The following SEPTIN9 variants were observed in gnomAD, a reference collection of about 807,000 sequenced individuals.
The protein encoded by SEPTIN9 is septin 9.
A neutral mutation model predicts 56.6 loss-of-function variants in SEPTIN9; 13 were observed. That is an observed-to-expected ratio of 0.23 (90% confidence interval 0.15 to 0.37). SEPTIN9 has a LOEUF of 0.37. Among genes scored for constraint, SEPTIN9 ranks in the 10% least tolerant of loss-of-function variants. The pLI is 1.00. For missense variants in SEPTIN9, 650 were observed against 823.1 expected (o/e 0.79, Z 2.57); for synonymous variants, 332 against 334.1 (o/e 0.99, Z 0.07).
chr17:77,409,270 G>A (rs1054202857), intron 3 of SEPTIN9, among the ~76,000 whole-genome samples: 1 of 138,314 alleles, frequency 7.2e-6, no homozygotes, highest in Non-Finnish European at 1.6e-5. Context: ...GGGAAGTCCC[G>A]CATGTGCTGG....
chr17:77,306,482 A>G (rs57309341), intron 1 of SEPTIN9, among the ~76,000 whole-genome samples: 12,150 of 152,320 alleles, frequency 0.08, 775 homozygotes, highest in African/African-American at 0.17. Context: ...CCTCTCCAAC[A>G]AGCAGCCCCA....
At chr17:77,373,430 GGCCCGGGCCCCGCCGGGGGC>G in intron 2 of SEPTIN9, 1 of 1,411,884 alleles carries the variant, frequency 7.1e-7, no homozygotes, top group Non-Finnish European at 9.3e-7. Flanking sequence ...CAGCGCGCAG[GGCCCGGGCCCCGCCGGGGGC>G]GCTTCCTCGC....
At chr17:77,353,276 T>C (rs201181559) in intron 2 of SEPTIN9, among the ~76,000 whole-genome samples, 1 of 152,182 alleles carries the variant, frequency 6.6e-6, no homozygotes, top group Non-Finnish European at 1.5e-5. Context: ...AGCAAGGGGC[T>C]ACAGCCACTG....
Position 77,310,822 on chromosome 17 carries a change from C to T in SEPTIN9, c.76+3625C>T, listed in dbSNP as rs1202753768. 1.3e-5 allele frequency among the ~76,000 whole-genome samples: 2 copies of T among 152,164 alleles called. No homozygotes were observed. The highest frequency in any genetic ancestry group is 3.9e-4 in the East Asian group (2 of 5,186). ...TTCCCTCCCTCTGGCCCTCAGACCCCGGCTGGGATCCTTGGAGCCAACTCC... is the reference window on the plus strand; with the variant it reads ...TTCCCTCCCTCTGGCCCTCAGACCCTGGCTGGGATCCTTGGAGCCAACTCC... On this transcript the variant is annotated intron_variant, in intron 2 of 11. Transcript: ENST00000427177. This position sits in a 1 kb window ranked among gnomAD's most constrained non-coding sequence, Gnocchi z 4.7.
intron 2 of SEPTIN9, among the ~76,000 whole-genome samples, chr17:77,352,954 C>T (rs1420943340): frequency 1.3e-5 from 2 of 152,236 alleles, no homozygotes; most frequent in East Asian, 3.8e-4. Context: ...CAGCCTACCT[C>T]TGTCTTATAA....
In SEPTIN9 at chr17:77,435,502, G is replaced by A. The variant is rs938346365; in HGVS notation, c.721+32799G>A. On this transcript the variant is annotated intron_variant, in intron 3 of 11. Transcript: ENST00000427177. The surrounding 1 kb of genome is among the most constrained non-coding windows in gnomAD (Gnocchi z 4.5). ...GAGCAACCATGCCGGGCGGGTCGTC[G>A]TGCCCCAGTGCCGCCTGCCCTACAC... 8.5e-5 allele frequency among the ~76,000 whole-genome samples: 13 copies of A among 152,170 alleles called. No homozygotes were observed. The highest frequency in any genetic ancestry group is 1.6e-4 in the Non-Finnish European group (11 of 68,030).
chr17:77,474,072 C>G (rs2039113988), intron 3 of SEPTIN9, among the ~76,000 whole-genome samples: 1 of 152,256 alleles, frequency 6.6e-6, no homozygotes, highest in Non-Finnish European at 1.5e-5. Context: ...CCTCCACCCA[C>G]TCACTCATAC....
chr17:77,321,495 G>C (rs1417638817), intron 2 of SEPTIN9, among the ~76,000 whole-genome samples: 1 of 151,406 alleles, frequency 6.6e-6, no homozygotes, highest in Non-Finnish European at 1.5e-5. Context: ...CGCCTCCCTA[G>C]TTCATGCCAT....
chr17:77,311,658 G>A, intron 2 of SEPTIN9, among the ~76,000 whole-genome samples: 1 of 152,210 alleles, frequency 6.6e-6, no homozygotes, highest in East Asian at 1.9e-4. Flanking sequence ...CCAGGAGACA[G>A]AAAATGCCAG....
rs372287642 is a variant in SEPTIN9, at chr17:77,320,209, A to AGAGGAG, written c.76+13032_76+13037dup. The stretch of plus-strand genomic sequence containing the variant: ...ATTAGACCAGACAAAGAGTGTTTTT[A>AGAGGAG]GAGGAGGAGGAGGAGGAGGAGGAGG... On this transcript the variant is annotated intron_variant, in intron 2 of 11. Coordinates refer to ENST00000427177, the MANE Select transcript of SEPTIN9 (RefSeq NM_001113491.2). 6.5e-5 allele frequency: 104 copies of AGAGGAG among 1,602,894 alleles called. No homozygotes were observed. In the African/African-American group the frequency reaches 9.4e-4, roughly 14 times the overall value.
intron 3 of SEPTIN9, among the ~76,000 whole-genome samples, chr17:77,431,946 G>T (rs1047482904): frequency 2.0e-5 from 3 of 152,136 alleles, no homozygotes; most frequent in Non-Finnish European, 4.4e-5. Flanking sequence ...AAATAGCCAT[G>T]GGAGGGTGGT....
intron 3 of SEPTIN9, among the ~76,000 whole-genome samples, chr17:77,460,318 C>T (rs1475848767): frequency 6.6e-6 from 1 of 152,132 alleles, no homozygotes; most frequent in East Asian, 1.9e-4. Flanking sequence ...CGGGAAGGCC[C>T]CTACGTTGTG....
At chr17:77,311,226 C>G (rs996298023) in intron 2 of SEPTIN9, among the ~76,000 whole-genome samples, 1 of 148,948 alleles carries the variant, frequency 6.7e-6, no homozygotes. Flanking sequence ...AAGGACCCCC[C>G]CCCCACCCCA....
At chr17:77,305,426 G>A (rs577530479) in intron 1 of SEPTIN9, among the ~76,000 whole-genome samples, 4 of 152,226 alleles carry the variant, frequency 2.6e-5, no homozygotes, top group African/African-American at 7.2e-5. Flanking sequence ...GCAGAAGTGG[G>A]TGTCCCTGCT....
intron 10 of SEPTIN9, among the ~76,000 whole-genome samples, chr17:77,496,523 C>T (rs976624906): frequency 5.9e-5 from 9 of 152,168 alleles, no homozygotes; most frequent in Non-Finnish European, 1.3e-4. Context: ...AACAGTTACA[C>T]ATGCCAGGCA....
chr17:77,314,505 G>A (rs909353509), intron 2 of SEPTIN9, among the ~76,000 whole-genome samples: 14 of 152,020 alleles, frequency 9.2e-5, no homozygotes, highest in Admixed American at 3.3e-4. Context: ...TTTTTAAAGC[G>A]AGAGGTTGTG....
chr17:77,402,791 G>A lies in SEPTIN9; in HGVS notation c.721+88G>A, dbSNP rs2035948575. On this transcript the variant is annotated intron_variant, in intron 3 of 11. Transcript: ENST00000427177. The surrounding 1 kb of genome is among the most constrained non-coding windows in gnomAD (Gnocchi z 6.6). ...CCACAGAATCTTGGAGGAAGAAGCT[G>A]GATATGGGGTGGAGGGTGCTACCCT... The A allele has an allele frequency of 1.5e-6, 2 of 1,377,154 alleles. No homozygotes were observed. Among genetic ancestry groups the A allele is most frequent in the Admixed American group, 2.4e-5 (1 of 42,470 alleles). 85.3% of individuals were successfully genotyped at this position (1,377,154 alleles called of 1,614,324 possible).
intron 3 of SEPTIN9, among the ~76,000 whole-genome samples, chr17:77,439,898 C>A (rs914712961): frequency 1.3e-5 from 2 of 152,222 alleles, no homozygotes; most frequent in African/African-American, 4.8e-5. Flanking sequence ...ATTGCCCCAT[C>A]TGGTCCCCAT....
rs576936826 is a variant in SEPTIN9, at chr17:77,390,373, G to T, written c.77-11686G>T. On this transcript the variant is annotated intron_variant, in intron 2 of 11. Coordinates refer to ENST00000427177, the MANE Select transcript of SEPTIN9 (RefSeq NM_001113491.2). ...AAAAAAAAAAAAAAAAAAAGGAGTAGAGAAATCTTTCCCAGAAGGCCTGCA... is the reference window on the plus strand; with the variant it reads ...AAAAAAAAAAAAAAAAAAAGGAGTATAGAAATCTTTCCCAGAAGGCCTGCA... Among the ~76,000 whole-genome samples, 36 of 131,320 alleles carry T rather than the reference G, an allele frequency of 2.7e-4. 2 individuals are homozygous for T. The South Asian group carries it at 9.4e-3, about 34-fold the overall frequency. The allele number at this position is 131,320 out of a possible 152,430, so 86.2% of individuals were successfully genotyped here.
Sources: allele counts gnomAD v4.1 joint callset (sites outside exome capture counted in the v4.1 genomes callset), GRCh38; gene constraint gnomAD v4.1.1; non-coding constraint Gnocchi (gnomAD v3.1); transcripts MANE v1.5; gene names NCBI Gene and HGNC (gene_info 2026-07-23, HGNC 2026-07-21).